Variants in CNTN1 observed in about 807,000 individuals in gnomAD.
CNTN1 encodes contactin 1.
CNTN1 carries 38 observed loss-of-function variants against 126.4 expected under a neutral mutation model. That is an observed-to-expected ratio of 0.30 (90% CI 0.23 to 0.39). The LOEUF is 0.39. CNTN1 is among the 10% of genes least tolerant of loss of function. The pLI, the probability that CNTN1 is intolerant of heterozygous loss-of-function variation, is 1.00. For missense variants in CNTN1, 1,009 were observed against 1,248.4 expected (o/e 0.81, Z 2.89); for synonymous variants, 413 against 422.6 (o/e 0.98, Z 0.28).
intron 13 of CNTN1, 76 bp from the exon 14 acceptor site, chr12:40,943,919 G>A: frequency 1.4e-6 from 2 of 1,425,710 alleles, no homozygotes; most frequent in South Asian, 2.5e-5. Context: ...AAATATATTG[G>A]TTATTATTTT....
intron 1 of CNTN1, among the ~76,000 whole-genome samples, chr12:40,784,722 C>T (rs1214692448): frequency 1.3e-5 from 2 of 152,074 alleles, no homozygotes. Flanking sequence ...AGAACAGGTT[C>T]AACAGGGTCG....
At chr12:40,816,710 T>C (rs754982350) in intron 1 of CNTN1, among the ~76,000 whole-genome samples, 2 of 152,162 alleles carry the variant, frequency 1.3e-5, no homozygotes, top group African/African-American at 4.8e-5. Context: ...TGCTCTTGCC[T>C]CTCTAGCTCT....
chr12:40,701,893 T>C (rs888411137), intron 1 of CNTN1, among the ~76,000 whole-genome samples: 2 of 152,178 alleles, frequency 1.3e-5, no homozygotes, highest in African/African-American at 4.8e-5. Context: ...CAATGAGCTA[T>C]AACAAAGTAT....
At chr12:40,701,207 T>C (rs1272748070) in intron 1 of CNTN1, among the ~76,000 whole-genome samples, 1 of 152,232 alleles carries the variant, frequency 6.6e-6, no homozygotes, top group East Asian at 1.9e-4. Context: ...AATTTGCATA[T>C]GTTTTATTTA....
rs533068057 is a variant in CNTN1, at chr12:40,702,069, C to T, written c.-77+9477C>T. The stretch of plus-strand genomic sequence containing the variant: ...TGTCTGTTTTTAGAATCTACATAAA[C>T]GGAATCATGAAGTATGCATTTTTGT... On this transcript the variant is annotated intron_variant, in intron 1 of 23. Transcript: ENST00000551295. 4.6e-5 allele frequency among the ~76,000 whole-genome samples: 7 copies of T among 151,202 alleles called. No individual in the cohort carries two copies. The South Asian group carries it at 1.1e-3, about 23-fold the overall frequency.
At chr12:41,021,630 G>A (rs1461141557) in intron 20 of CNTN1, among the ~76,000 whole-genome samples, 4 of 146,016 alleles carry the variant, frequency 2.7e-5, no homozygotes. Context: ...CAGACCAACA[G>A]GAAGCTTTTT....
At chr12:40,910,802 G>T (rs1592242671) in intron 3 of CNTN1, among the ~76,000 whole-genome samples, 1 of 152,178 alleles carries the variant, frequency 6.6e-6, no homozygotes, top group Admixed American at 6.5e-5. Flanking sequence ...CTAGCATAAT[G>T]ACTGGCAAGT....
At chr12:40,799,672 A>C (rs1429220645) in intron 1 of CNTN1, among the ~76,000 whole-genome samples, 9 of 152,030 alleles carry the variant, frequency 5.9e-5, no homozygotes, top group Admixed American at 5.9e-4. Flanking sequence ...CAAGCTCTGT[A>C]CTAGATGTGT....
intron 20 of CNTN1, among the ~76,000 whole-genome samples, chr12:41,023,369 T>G (rs898771090): frequency 2.0e-5 from 3 of 152,200 alleles, no homozygotes; most frequent in African/African-American, 4.8e-5. Flanking sequence ...AGTAGAATGT[T>G]TATGTCACTT....
chr12:41,016,683 C>T lies in CNTN1; in HGVS notation c.2186C>T (p.Pro729Leu). ...CTCAATCTTTTAATTTCTATTTAGC[C>T]TTTGTCAAGAGAATACCACTATGGC... is the stretch of plus-strand genomic sequence containing the variant. ...RNRELTITWA[P>L]LSREYHYGNN... is the part of the protein sequence containing the mutation. Residue 729 changes from proline (P) to leucine (L), a missense_variant and splice_region_variant, in exon 19 of 24, where the codon CCT becomes CTT. Transcript: ENST00000551295. 6.2e-7 allele frequency: 1 copy of T among 1,601,422 alleles called. No individual in the cohort carries two copies. Among genetic ancestry groups the T allele is most frequent in the Non-Finnish European group, 8.6e-7 (1 of 1,168,536 alleles).
intron 14 of CNTN1, among the ~76,000 whole-genome samples, chr12:40,955,323 C>A (rs1304482033): frequency 2.0e-5 from 3 of 152,074 alleles, no homozygotes; most frequent in African/African-American, 7.2e-5. Context: ...CTCTTTACTA[C>A]ACATAGGGGT....
chr12:40,702,947 G>A lies in CNTN1; in HGVS notation c.-77+10355G>A, dbSNP rs888799948. ...GAATGCTACAGAAACATTATTCTACGTGTAGTTTTGTATATTCCTGGGAAT... is the reference window on the plus strand; with the variant it reads ...GAATGCTACAGAAACATTATTCTACATGTAGTTTTGTATATTCCTGGGAAT... On this transcript the variant is annotated intron_variant, in intron 1 of 23. Transcript: ENST00000551295. 9.9e-5 allele frequency among the ~76,000 whole-genome samples: 15 copies of A among 152,076 alleles called. 1 individual carries two copies. Among genetic ancestry groups the A allele is most frequent in the Non-Finnish European group, 1.9e-4 (13 of 68,038 alleles).
chr12:40,985,403 G>C (rs989166635), intron 16 of CNTN1, among the ~76,000 whole-genome samples: 6 of 151,878 alleles, frequency 4.0e-5, no homozygotes, highest in Admixed American at 3.3e-4. Context: ...AATTGTTCAG[G>C]TTGTTGGACT....
At chr12:40,826,587 T>C (rs1941620095) in intron 1 of CNTN1, among the ~76,000 whole-genome samples, 1 of 152,182 alleles carries the variant, frequency 6.6e-6, no homozygotes, top group Non-Finnish European at 1.5e-5. Flanking sequence ...CAGCAGGGAT[T>C]ATACTTCACA....
chr12:40,813,418 CCTT>C (rs1488904715), intron 1 of CNTN1, among the ~76,000 whole-genome samples: 2 of 151,964 alleles, frequency 1.3e-5, no homozygotes, highest in East Asian at 1.9e-4. Flanking sequence ...ATGTTCAACT[CCTT>C]CTTATGAGTG....
chr12:40,825,312 A>AT lies in CNTN1; in HGVS notation c.-76-83035dup, dbSNP rs968201212. On this transcript the variant is annotated intron_variant, in intron 1 of 23. Transcript: ENST00000551295. ...CATTCTTTTCCTAACTTGTCATGGCATTTTTTTTTTATGTTGGAGACAAAT... is the reference window on the plus strand; with the variant it reads ...CATTCTTTTCCTAACTTGTCATGGCATTTTTTTTTTTATGTTGGAGACAAAT... Among the ~76,000 whole-genome samples, 76 of 149,378 alleles carry AT rather than the reference A, an allele frequency of 5.1e-4. 1 individual carries two copies. The highest frequency in any genetic ancestry group is 6.9e-3 in the Middle Eastern group (2 of 288).
At chr12:40,825,245 C>T (rs1941574114) in intron 1 of CNTN1, among the ~76,000 whole-genome samples, 1 of 152,114 alleles carries the variant, frequency 6.6e-6, no homozygotes, top group African/African-American at 2.4e-5. Context: ...TCCCACAGTA[C>T]TTATCCCTTG....
chr12:40,723,141 A>G (rs1354958226), intron 1 of CNTN1, among the ~76,000 whole-genome samples: 2 of 152,176 alleles, frequency 1.3e-5, no homozygotes, highest in Non-Finnish European at 2.9e-5. Flanking sequence ...CCTGGCACAG[A>G]GGAGGTAGGC....
At chr12:40,965,333 A>G (rs942522779) in intron 15 of CNTN1, among the ~76,000 whole-genome samples, 1 of 152,154 alleles carries the variant, frequency 6.6e-6, no homozygotes, top group African/African-American at 2.4e-5. Context: ...ACCCCAGTCC[A>G]GTCTTCTCAT....
Sources: gnomAD v4.1 joint callset for allele counts (sites outside exome capture counted in the v4.1 genomes callset) on GRCh38, gnomAD v4.1.1 for gene constraint, MANE v1.5 for transcripts, NCBI Gene and HGNC (gene_info 2026-07-23, HGNC 2026-07-21) for gene names.